The following FAM171A1 variants were observed in gnomAD, a reference collection of about 807,000 sequenced individuals.
FAM171A1 encodes the protein protein FAM171A1.
FAM171A1 carries 23 observed loss-of-function variants against 74.9 expected under a neutral mutation model. That is an observed-to-expected ratio of 0.31 (90% CI 0.22 to 0.44). The LOEUF is 0.44. Among genes scored for constraint, FAM171A1 ranks in the 20% least tolerant of loss-of-function variants. FAM171A1 has a pLI of 1.00. For missense variants in FAM171A1, 1,162 were observed against 1,159.2 expected (o/e 1.00, Z -0.03); for synonymous variants, 527 against 505.7 (o/e 1.04, Z -0.57).
chr10:15,348,073 G>A (rs1279291146), intron 1 of FAM171A1, among the ~76,000 whole-genome samples: 1 of 152,026 alleles, frequency 6.6e-6, no homozygotes, highest in Non-Finnish European at 1.5e-5. Context: ...CACTTTCTGG[G>A]TTCAAGCGAG....
intron 4 of FAM171A1, among the ~76,000 whole-genome samples, chr10:15,249,314 T>C (rs1419716987): frequency 6.6e-6 from 1 of 152,170 alleles, no homozygotes; most frequent in Non-Finnish European, 1.5e-5. Flanking sequence ...CAGGCTGGTC[T>C]CAAACTCCTG....
rs757079615 is a variant in FAM171A1, at chr10:15,213,071, A to G, written c.2517T>C (p.Thr839=). 15 of 1,613,686 alleles carry G rather than the reference A, an allele frequency of 9.3e-6. No individual in the cohort carries two copies. Among genetic ancestry groups the G allele is most frequent in the Non-Finnish European group, 1.3e-5 (15 of 1,179,876 alleles). ...CTGCTGGCTCCGAGGGGGCATCCGC[A>G]GTCCGTCTGGTCGTCTCCTCCTGCA... ...PSLQEETTRR[T]ADAPSEPAAS... is the part of the protein sequence containing the mutation. The change falls in exon 8 of 8, where the codon ACT becomes ACC. Residue 839 remains threonine (T), a synonymous_variant. Transcript: ENST00000378116. This position sits in a 1 kb window ranked among gnomAD's most constrained non-coding sequence, Gnocchi z 6.8.
intron 5 of FAM171A1, among the ~76,000 whole-genome samples, chr10:15,221,262 G>A (rs530362780): frequency 8.5e-5 from 13 of 152,346 alleles, no homozygotes; most frequent in African/African-American, 2.9e-4. Context: ...GGAAAGATAA[G>A]CAACTTTAGT....
chr10:15,368,645 T>G (rs1186746858), intron 1 of FAM171A1, among the ~76,000 whole-genome samples: 1 of 152,222 alleles, frequency 6.6e-6, no homozygotes, highest in Non-Finnish European at 1.5e-5. Flanking sequence ...TGGTTGATGC[T>G]TACCTACTCA....
chr10:15,213,935 A>G lies in FAM171A1; in HGVS notation c.1653T>C (p.Pro551=), dbSNP rs561182923. The G allele has an allele frequency of 1.9e-5, 30 of 1,614,144 alleles. No individual in the cohort carries two copies. The South Asian group carries it at 3.2e-4, about 17-fold the overall frequency. The change falls in exon 8 of 8, where the codon CCT becomes CCC. Residue 551 remains proline, a synonymous_variant. Transcript: ENST00000378116. This position sits in a 1 kb window ranked among gnomAD's most constrained non-coding sequence, Gnocchi z 6.8. ...ACTGGCCGGGCCGTGGGAAGGACGT[A>G]GGTCTCTCGAGGTGATCTACTGATC... ...MSRSVDHLER[P]TSFPRPGQLI...
chr10:15,346,127 G>C (rs1011270401), intron 1 of FAM171A1, among the ~76,000 whole-genome samples: 1 of 152,170 alleles, frequency 6.6e-6, no homozygotes, highest in African/African-American at 2.4e-5. Context: ...TTTAGAGACA[G>C]GGTTGTCTTG....
intron 1 of FAM171A1, among the ~76,000 whole-genome samples, chr10:15,313,687 T>C (rs55924493): frequency 0.015 from 2,257 of 152,262 alleles, 56 homozygotes; most frequent in African/African-American, 0.052. Context: ...CCAAGGAAAA[T>C]GAAGGTGCAT....
rs553542055 is a variant in FAM171A1, at chr10:15,245,801, G to A, written c.754+2838C>T. 9.8e-5 allele frequency among the ~76,000 whole-genome samples: 15 copies of A among 152,352 alleles called. No individual in the cohort carries two copies. The East Asian group carries it at 1.5e-3, about 16-fold the overall frequency. On this transcript the variant is annotated intron_variant, in intron 5 of 7. Transcript: ENST00000378116. ...GGACAGGCAGACCATACAAGGGGGT[G>A]TATATTCATATCTCTTACAAATGCA...
chr10:15,296,737 G>A (rs1280524883), intron 1 of FAM171A1, among the ~76,000 whole-genome samples: 2 of 152,178 alleles, frequency 1.3e-5, no homozygotes, highest in East Asian at 3.8e-4. Context: ...CCCCACCTAT[G>A]TGGGGTTCTT....
At chr10:15,320,050 A>T (rs1196651661) in intron 1 of FAM171A1, among the ~76,000 whole-genome samples, 1 of 152,152 alleles carries the variant, frequency 6.6e-6, no homozygotes, top group Non-Finnish European at 1.5e-5. Context: ...CTGAGAATTT[A>T]GTATGCAGGT....
intron 1 of FAM171A1, among the ~76,000 whole-genome samples, chr10:15,369,735 C>T (rs1369941633): frequency 6.6e-6 from 1 of 152,224 alleles, no homozygotes; most frequent in Non-Finnish European, 1.5e-5. Context: ...GGCGTCTCTG[C>T]TCCCAGGCAC....
chr10:15,283,977 T>C lies in FAM171A1; in HGVS notation c.226A>G (p.Ile76Val), dbSNP rs1835003281. ...CTGCCCAGCTTATACTGGAACTTGA[T>C]AAAGGCGACGCCATCAGTCCCCGAG... ...GTSGTDGVAF[I>V]KFQYKLGSQL... Residue 76 changes from isoleucine to valine, a missense_variant, in exon 2 of 8, where the codon ATC (isoleucine) becomes GTC (valine). Coordinates refer to ENST00000378116, the MANE Select transcript of FAM171A1 (RefSeq NM_001010924.2). 3.1e-6 allele frequency: 5 copies of C among 1,614,120 alleles called. No individual in the cohort carries two copies. Among genetic ancestry groups the C allele is most frequent in the East Asian group, 2.2e-5 (1 of 44,880 alleles).
At chr10:15,230,256 C>T (rs540825506) in intron 5 of FAM171A1, among the ~76,000 whole-genome samples, 6 of 152,308 alleles carry the variant, frequency 3.9e-5, no homozygotes, top group Non-Finnish European at 7.3e-5. Context: ...TTAAAGTCTA[C>T]GGCTTTGAGT....
rs148151262 is a variant in FAM171A1 at position 15,252,299 on chromosome 10, G to T, written c.577+2422C>A. 3.7e-3 allele frequency among the ~76,000 whole-genome samples: 567 copies of T among 152,184 alleles called. 3 individuals carry two copies. The highest frequency in any genetic ancestry group is 0.013 in the African/African-American group (531 of 41,522). ...CTAAACCAAACAACACAACCTTCAT[G>T]GTACCCCCAGAAAACAGCCTTTCGG... On this transcript the variant is annotated intron_variant, in intron 4 of 7. Transcript: ENST00000378116.
chr10:15,221,867 C>T (rs1010543326), intron 5 of FAM171A1, among the ~76,000 whole-genome samples: 2 of 152,186 alleles, frequency 1.3e-5, no homozygotes, highest in Non-Finnish European at 2.9e-5. Flanking sequence ...TTCTTCTGCT[C>T]TGCCAGGCTG....
chr10:15,331,859 G>GTGTA (rs60559617), intron 1 of FAM171A1, among the ~76,000 whole-genome samples: 1 of 44,952 alleles, frequency 2.2e-5, no homozygotes, highest in African/African-American at 8.7e-5. Flanking sequence ...ATATATGTGT[G>GTGTA]TATATATATG....
At chr10:15,231,231 TTCTC>T (rs926070232) in intron 5 of FAM171A1, among the ~76,000 whole-genome samples, 78 of 151,788 alleles carry the variant, frequency 5.1e-4, no homozygotes, top group African/African-American at 1.8e-3. Flanking sequence ...TTGAGGCAGG[TTCTC>T]TCTCTATCAC....
intron 6 of FAM171A1, among the ~76,000 whole-genome samples, chr10:15,218,549 G>C (rs1017585480): frequency 1.2e-4 from 19 of 152,100 alleles, no homozygotes; most frequent in Admixed American, 4.6e-4. Context: ...TGAGATGACT[G>C]ACATATGTAT....
In FAM171A1 at chr10:15,234,615, A is replaced by C. The variant is rs866064927; in HGVS notation, c.755-13555T>G. The stretch of plus-strand genomic sequence containing the variant: ...GGAGGGGAAAAGTAGCCTAGCGACC[A>C]GTCTGATTGGCTGCAGGAGGGGACC... On this transcript the variant is annotated intron_variant, in intron 5 of 7. Coordinates refer to ENST00000378116, the MANE Select transcript of FAM171A1 (RefSeq NM_001010924.2). Among the ~76,000 whole-genome samples the C allele has an allele frequency of 3.3e-5, 5 of 151,622 alleles. No individual in the cohort carries two copies. The South Asian group carries it at 1.0e-3, about 32-fold the overall frequency.
Sources: gnomAD v4.1 joint callset for allele counts (sites outside exome capture counted in the v4.1 genomes callset) on GRCh38, gnomAD v4.1.1 for gene constraint, Gnocchi (gnomAD v3.1) non-coding constraint, MANE v1.5 for transcripts, NCBI Gene and HGNC (gene_info 2026-07-23, HGNC 2026-07-21) for gene names.